Variants in DMXL1 observed in about 807,000 individuals in gnomAD.
DMXL1 encodes dmX-like protein 1.
In DMXL1, 99 loss-of-function variants were observed where a neutral mutation model predicts 319.2. That is an observed-to-expected ratio of 0.31 (90% CI 0.26 to 0.37). The LOEUF is 0.37. DMXL1 is among the 10% of genes least tolerant of loss of function. The probability of loss-of-function intolerance (pLI) is 1.00; values close to 1 mark genes in which losing one functional copy is unlikely to be tolerated. For synonymous variants in DMXL1, 1,385 were observed against 1,235.2 expected, an observed-to-expected ratio of 1.12 and a Z score of -2.54; for missense variants, 3,745 against 3,595.6, an observed-to-expected ratio of 1.04 and a Z score of -1.06.
In DMXL1 at chr5:119,164,690, T is replaced by A; in HGVS notation, c.4872+14T>A. 1 of 1,586,978 alleles carries A rather than the reference T, an allele frequency of 6.3e-7. No individual in the cohort carries two copies. Among genetic ancestry groups the A allele is most frequent in the Non-Finnish European group, 8.6e-7 (1 of 1,161,662 alleles). ...TGCATAGAAAAAGTAAGTGTTTTAT[T>A]TTGGTGTATAAGTGAATTAATATTT... On this transcript the variant is annotated intron_variant, in intron 20 of 43. Coordinates refer to ENST00000539542, the MANE Select transcript of DMXL1 (RefSeq NM_001290321.3).
At position 119,116,190 on chromosome 5, in the gene DMXL1, A is replaced by G; in HGVS notation, c.597A>G (p.Val199=). Residue 199 remains valine, a synonymous_variant, in exon 7 of 44, where the codon GTA becomes GTG. Transcript: ENST00000539542. ...GTCTTTTGAAGGTTTGGTATAATGT[A>G]GAAAACTGGCGGACAGCTGTTACTT... is the stretch of plus-strand genomic sequence containing the variant. The part of the protein sequence containing the change: ...DDCLLKVWYN[V]ENWRTAVTSP... The G allele has an allele frequency of 6.2e-7, 1 of 1,613,444 alleles. No individual in the cohort carries two copies. Among genetic ancestry groups the G allele is most frequent in the South Asian group, 1.1e-5 (1 of 91,024 alleles).
chr5:119,074,139 G>C (rs1017087410), intron 1 of DMXL1, among the ~76,000 whole-genome samples: 28 of 152,246 alleles, frequency 1.8e-4, no homozygotes, highest in African/African-American at 6.0e-4. Context: ...GGCTGGTCTG[G>C]AGCTCCTGAC....
At position 119,101,997 on chromosome 5, in the gene DMXL1, G is replaced by T; in HGVS notation, c.276G>T (p.Lys92Asn). ...AACCAGTTAACCTACCAAAACAAAA[G>T]AAAAATTTGGTCAGTAATTTATGAT... ...IFEPVNLPKQ[K>N]KNLELYSQWQ... The change falls in exon 3 of 44, where the codon AAG becomes AAT. Residue 92 changes from lysine (K) to asparagine (N), a missense_variant. Coordinates refer to ENST00000539542, the MANE Select transcript of DMXL1 (RefSeq NM_001290321.3). 6.3e-7 allele frequency: 1 copy of T among 1,594,108 alleles called. No homozygotes were observed. The highest frequency in any genetic ancestry group is 8.6e-7 in the Non-Finnish European group (1 of 1,166,502).
At chr5:119,200,916 T>C (rs892028309) in intron 32 of DMXL1, among the ~76,000 whole-genome samples, 1 of 152,188 alleles carries the variant, frequency 6.6e-6, no homozygotes, top group Non-Finnish European at 1.5e-5. Flanking sequence ...GTACACTGAT[T>C]TTTGTATCCT....
intron 9 of DMXL1, among the ~76,000 whole-genome samples, chr5:119,123,376 AGAGGGAGAG>A (rs1486118133): frequency 1.9e-4 from 8 of 43,010 alleles, no homozygotes; most frequent in Admixed American, 3.0e-4. Context: ...AGGGAGAGGG[AGAGGGAGAG>A]GAGGGAGAGG....
intron 26 of DMXL1, 58 bp from the exon 27 acceptor site, chr5:119,177,299 A>G (rs1165042324): frequency 8.1e-7 from 1 of 1,230,274 alleles, no homozygotes; most frequent in African/African-American, 1.5e-5. Context: ...GTAGATCTGA[A>G]ACATGAAAAT....
At chr5:119,121,914 A>ACC (rs1225690132) in intron 9 of DMXL1, among the ~76,000 whole-genome samples, 3 of 113,356 alleles carry the variant, frequency 2.6e-5, no homozygotes. Context: ...CGGGGGGCTG[A>ACC]CCCCCCCCAC....
intron 21 of DMXL1, among the ~76,000 whole-genome samples, chr5:119,166,023 C>A (rs1773371560): frequency 6.6e-6 from 1 of 152,226 alleles, no homozygotes; most frequent in Admixed American, 6.5e-5. Context: ...AAACTATCTC[C>A]TTCCTGTGGG....
rs112770459 is a variant in DMXL1, at chr5:119,140,313, A to G, written c.2377-3528A>G. 3.1e-3 allele frequency among the ~76,000 whole-genome samples: 467 copies of G among 152,334 alleles called. 3 individuals carry two copies. Among genetic ancestry groups the G allele is most frequent in the African/African-American group, 0.01 (434 of 41,578 alleles). The stretch of plus-strand genomic sequence containing the variant: ...AAATCGAAACACAAAATACCATTCA[A>G]AAGATCAGCAATTCCAGGAAATGGC... On this transcript the variant is annotated intron_variant, in intron 13 of 43. Coordinates refer to ENST00000539542, the MANE Select transcript of DMXL1 (RefSeq NM_001290321.3).
At chr5:119,178,450 T>C (rs913964674) in intron 28 of DMXL1, 2 of 382,516 alleles carry the variant, frequency 5.2e-6, no homozygotes, top group Admixed American at 6.4e-5. Context: ...GTACCAATAA[T>C]TAGAACGATC....
chr5:119,223,999 T>G (rs1006184646), intron 37 of DMXL1, among the ~76,000 whole-genome samples: 2 of 152,144 alleles, frequency 1.3e-5, no homozygotes, highest in South Asian at 4.1e-4. Context: ...TCTGCTATTT[T>G]GGAGTATAAC....
At chr5:119,190,830 T>G (rs768180784) in intron 29 of DMXL1, among the ~76,000 whole-genome samples, 5 of 152,134 alleles carry the variant, frequency 3.3e-5, no homozygotes, top group Non-Finnish European at 1.5e-5. Flanking sequence ...AAACTTTACG[T>G]TAAAGGGATT....
intron 38 of DMXL1, among the ~76,000 whole-genome samples, chr5:119,227,107 C>T (rs1235027980): frequency 6.6e-6 from 1 of 152,220 alleles, no homozygotes; most frequent in Non-Finnish European, 1.5e-5. Flanking sequence ...ATCTAAGACA[C>T]TGCATTAGCA....
chr5:119,224,151 AACCT>A lies in DMXL1; in HGVS notation c.8278-553_8278-550del, dbSNP rs1253800955. Among the ~76,000 whole-genome samples the A allele has an allele frequency of 6.6e-5, 10 of 152,146 alleles. No individual in the cohort carries two copies. The East Asian group carries it at 1.5e-3, about 23-fold the overall frequency. ...AAATCCAAAAGAATAACAATAACAA[AACCT>A]ACCTGAGACTGATGCTACAAATTTA... On this transcript the variant is annotated intron_variant, in intron 37 of 43. Transcript: ENST00000539542.
At chr5:119,216,529 C>A (rs1403302253) in intron 34 of DMXL1, among the ~76,000 whole-genome samples, 1 of 152,058 alleles carries the variant, frequency 6.6e-6, no homozygotes, top group Admixed American at 6.5e-5. Context: ...ACTATCTGAC[C>A]TTTTAAATTT....
chr5:119,111,034 C>G (rs1759470544), intron 5 of DMXL1, among the ~76,000 whole-genome samples: 1 of 152,156 alleles, frequency 6.6e-6, no homozygotes, highest in Admixed American at 6.5e-5. Flanking sequence ...GGTGATCTGC[C>G]CGCCTCAGCC....
intron 5 of DMXL1, among the ~76,000 whole-genome samples, chr5:119,113,942 C>T (rs1159007296): frequency 2.0e-5 from 3 of 152,070 alleles, no homozygotes; most frequent in Admixed American, 2.0e-4. Context: ...ATATGAGTAG[C>T]TGTAAGGGAA....
At chr5:119,128,377 T>C (rs981017577) in intron 9 of DMXL1, 5 of 262,724 alleles carry the variant, frequency 1.9e-5, no homozygotes, top group Non-Finnish European at 2.3e-5. Flanking sequence ...TTCAGGGTTC[T>C]TCCGTTGAGC....
intron 2 of DMXL1, among the ~76,000 whole-genome samples, chr5:119,100,366 G>A (rs1756974261): frequency 6.6e-6 from 1 of 151,584 alleles, no homozygotes; most frequent in South Asian, 2.1e-4. Context: ...AACCCGGGAG[G>A]CAGAGGTTGC....
Sources: gnomAD v4.1 joint callset for allele counts (sites outside exome capture counted in the v4.1 genomes callset) on GRCh38, gnomAD v4.1.1 for gene constraint, MANE v1.5 for transcripts, NCBI Gene and HGNC (gene_info 2026-07-23, HGNC 2026-07-21) for gene names.